Variants in ILDR1 observed in about 807,000 individuals in gnomAD.
The protein encoded by ILDR1 is immunoglobulin like domain containing receptor 1, also known as immunoglobulin-like domain-containing receptor 1.
A neutral mutation model predicts 62.4 loss-of-function variants in ILDR1; 56 were observed. The observed-to-expected ratio is 0.90, with a 90% CI of 0.72 to 1.12. The LOEUF (loss-of-function observed/expected upper bound fraction) is 1.12, where lower values mean the gene tolerates loss of function less well. ILDR1 is among the 50% of genes most tolerant of loss of function. The pLI is 0.00. For synonymous variants in ILDR1, 284 were observed against 277.8 expected (o/e 1.02, Z -0.22); for missense variants, 736 against 710.6 (o/e 1.04, Z -0.41).
the ILDR1 span, among the ~76,000 whole-genome samples, chr3:122,047,953 C>A: frequency 6.6e-6 from 1 of 152,320 alleles, no homozygotes; most frequent in East Asian, 1.9e-4. Flanking sequence ...ATTTCTTTTT[C>A]TTACCCAATT....
chr3:122,002,704 C>T (rs1037506349), intron 3 of ILDR1, among the ~76,000 whole-genome samples: 15 of 152,014 alleles, frequency 9.9e-5, no homozygotes, highest in African/African-American at 3.4e-4. Context: ...CTGCACAGAT[C>T]ATCCCATCAC....
Position 121,994,201 on chromosome 3 carries a change from C to A in ILDR1, c.759G>T (p.Met253Ile). ...DRSSQVSSYP[M>I]HPLLQRDLSL... ...GTTTACCTCGCTGCAGCAGCGGGTGCATTGGATAAGATGAAACCTGGGAGC... is the reference window on the plus strand; with the variant it reads ...GTTTACCTCGCTGCAGCAGCGGGTGAATTGGATAAGATGAAACCTGGGAGC... The change falls in exon 6 of 8, where the codon ATG becomes ATT. Residue 253 changes from methionine (M) to isoleucine (I), a missense_variant. Physicochemically the swap from Met to Ile is conservative, Grantham distance 10 (BLOSUM62 1). Transcript: ENST00000344209. 6.5e-7 allele frequency: 1 copy of A among 1,536,106 alleles called. No individual in the cohort carries two copies. The highest frequency in any genetic ancestry group is 8.7e-7 in the Non-Finnish European group (1 of 1,146,904).
At chr3:122,055,115 T>C in the ILDR1 span, among the ~76,000 whole-genome samples, 3 of 152,240 alleles carry the variant, frequency 2.0e-5, no homozygotes, top group Non-Finnish European at 2.9e-5. Flanking sequence ...TTGTTTTCTC[T>C]TTCTAATTAT....
At chr3:122,046,140 C>G in the ILDR1 span, among the ~76,000 whole-genome samples, 1 of 151,636 alleles carries the variant, frequency 6.6e-6, no homozygotes, top group African/African-American at 2.4e-5. Flanking sequence ...TCAGCGTTTG[C>G]TTGTCTGTGA....
chr3:122,036,642 C>G, the ILDR1 span, among the ~76,000 whole-genome samples: 1 of 151,786 alleles, frequency 6.6e-6, no homozygotes, highest in African/African-American at 2.4e-5. Context: ...AATTTGTAGC[C>G]TTGCCATGTG....
At chr3:122,047,776 G>A in the ILDR1 span, among the ~76,000 whole-genome samples, 45 of 152,336 alleles carry the variant, frequency 3.0e-4, no homozygotes, top group Admixed American at 7.2e-4. Flanking sequence ...TTCGGCTTGC[G>A]CACAGTGCAC....
At chr3:122,052,251 G>A in the ILDR1 span, among the ~76,000 whole-genome samples, 1 of 152,118 alleles carries the variant, frequency 6.6e-6, no homozygotes, top group Admixed American at 6.5e-5. Context: ...TGGGGCCCCA[G>A]GCATCTAGAG....
chr3:122,031,610 G>A, the ILDR1 span, among the ~76,000 whole-genome samples: 602 of 152,268 alleles, frequency 4.0e-3, 4 homozygotes, highest in Middle Eastern at 6.8e-3. Flanking sequence ...TCATGAATGG[G>A]ATTAGTGCCC....
At chr3:122,041,166 C>T in the ILDR1 span, among the ~76,000 whole-genome samples, 1 of 152,082 alleles carries the variant, frequency 6.6e-6, no homozygotes, top group Non-Finnish European at 1.5e-5. Context: ...TGAATGTATC[C>T]CCCCAAAAGC....
chr3:122,043,380 G>T, the ILDR1 span, among the ~76,000 whole-genome samples: 1 of 141,152 alleles, frequency 7.1e-6, no homozygotes, highest in Admixed American at 7.1e-5. Context: ...TTTGGCTTAG[G>T]ATTGACTTGG....
intron 1 of ILDR1, among the ~76,000 whole-genome samples, chr3:122,021,471 G>A (rs186648550): frequency 1.3e-5 from 2 of 152,316 alleles, no homozygotes; most frequent in African/African-American, 4.8e-5. Context: ...TGAGCAAGGG[G>A]TAAAGTTAGG....
the ILDR1 span, among the ~76,000 whole-genome samples, chr3:122,046,159 A>T: frequency 1.3e-5 from 2 of 151,432 alleles, no homozygotes; most frequent in Admixed American, 1.3e-4. Flanking sequence ...GAAGTATTTT[A>T]TTTCTCCTTC....
the ILDR1 span, among the ~76,000 whole-genome samples, chr3:122,040,914 T>C: frequency 2.6e-5 from 4 of 152,142 alleles, no homozygotes; most frequent in African/African-American, 9.7e-5. Context: ...TGAGTTACAC[T>C]TTATTAAAAT....
At chr3:122,018,028 C>A (rs1299221840) in intron 1 of ILDR1, among the ~76,000 whole-genome samples, 1 of 152,176 alleles carries the variant, frequency 6.6e-6, no homozygotes, top group African/African-American at 2.4e-5. Flanking sequence ...TTGACCCAGC[C>A]ATCCCACTAC....
At chr3:122,018,280 C>T (rs531667869) in intron 1 of ILDR1, among the ~76,000 whole-genome samples, 1 of 151,302 alleles carries the variant, frequency 6.6e-6, no homozygotes, top group East Asian at 1.9e-4. Flanking sequence ...TCTCAGCAAA[C>T]TATCACAAGG....
At chr3:122,039,547 T>C in the ILDR1 span, among the ~76,000 whole-genome samples, 1 of 152,110 alleles carries the variant, frequency 6.6e-6, no homozygotes, top group Non-Finnish European at 1.5e-5. Flanking sequence ...AAAAATATTT[T>C]TCAGAAGCAA....
At chr3:122,005,645 T>C (rs2071596891) in intron 2 of ILDR1, among the ~76,000 whole-genome samples, 2 of 152,060 alleles carry the variant, frequency 1.3e-5, no homozygotes, top group Non-Finnish European at 2.9e-5. Flanking sequence ...CTCCTGACCA[T>C]CATTTTCATG....
intron 7 of ILDR1, among the ~76,000 whole-genome samples, chr3:121,992,910 C>T (rs141303468): frequency 8.3e-4 from 126 of 152,324 alleles, no homozygotes; most frequent in African/African-American, 2.9e-3. Context: ...CGATGACAGC[C>T]GAAGCGACGG....
chr3:122,000,251 AG>A (rs1208355656), intron 5 of ILDR1, among the ~76,000 whole-genome samples: 57 of 150,180 alleles, frequency 3.8e-4, no homozygotes, highest in African/African-American at 1.3e-3. Context: ...TAAGTTAAGG[AG>A]GAAAAAAAAA....
Sources: allele counts gnomAD v4.1 joint callset (sites outside exome capture counted in the v4.1 genomes callset), GRCh38; gene constraint gnomAD v4.1.1; transcripts MANE v1.5; gene names NCBI Gene and HGNC (gene_info 2026-07-23, HGNC 2026-07-21).